MYO3A: variants seen among roughly 807,000 people sequenced by gnomAD.
MYO3A encodes myosin-IIIa.
A neutral mutation model predicts 192.7 loss-of-function variants in MYO3A; 180 were observed. The ratio of observed to expected loss-of-function variants is 0.93; its 90% confidence interval spans 0.83 to 1.06. The LOEUF (loss-of-function observed/expected upper bound fraction) is 1.06, where lower values mean the gene tolerates loss of function less well. Ranked by LOEUF, MYO3A falls within the 50% of genes least tolerant of loss-of-function variation. MYO3A has a pLI of 0.00. For synonymous variants in MYO3A, 628 were observed against 645.3 expected (o/e 0.97, Z 0.41); for missense variants, 1,896 against 1,905.0 (o/e 1.00, Z 0.09).
intron 10 of MYO3A, among the ~76,000 whole-genome samples, chr10:26,048,818 C>T (rs1209680383): frequency 1.3e-5 from 2 of 152,098 alleles, no homozygotes; most frequent in African/African-American, 4.8e-5. Context: ...GGAGATAATG[C>T]TTTGAGTTGT....
At chr10:26,149,398 C>T (rs918297529) in intron 23 of MYO3A, among the ~76,000 whole-genome samples, 1 of 152,016 alleles carries the variant, frequency 6.6e-6, no homozygotes, top group Non-Finnish European at 1.5e-5. Flanking sequence ...CCACGCCCAA[C>T]TAATTTTTGT....
At chr10:25,946,775 G>A (rs1396821844) in intron 2 of MYO3A, among the ~76,000 whole-genome samples, 1 of 150,456 alleles carries the variant, frequency 6.6e-6, no homozygotes, top group Non-Finnish European at 1.5e-5. Context: ...CTACACGGGA[G>A]GCTGAGGCAG....
At chr10:26,161,013 T>C (rs1232059276) in intron 26 of MYO3A, among the ~76,000 whole-genome samples, 3 of 152,232 alleles carry the variant, frequency 2.0e-5, no homozygotes, top group Non-Finnish European at 2.9e-5. Context: ...GTAATTATTG[T>C]GCTATTACAG....
At chr10:26,203,909 C>A (rs1313482819) in intron 34 of MYO3A, among the ~76,000 whole-genome samples, 1 of 152,140 alleles carries the variant, frequency 6.6e-6, no homozygotes, top group East Asian at 1.9e-4. Context: ...GTTGAGTGAC[C>A]TTGCTCATGA....
chr10:26,142,935 G>C (rs780145737), intron 20 of MYO3A, among the ~76,000 whole-genome samples: 1 of 152,140 alleles, frequency 6.6e-6, no homozygotes, highest in Non-Finnish European at 1.5e-5. Flanking sequence ...TTCTAGTATG[G>C]AGACTAGAGC....
chr10:26,081,830 C>T (rs1194269224), intron 14 of MYO3A, among the ~76,000 whole-genome samples: 1 of 152,188 alleles, frequency 6.6e-6, no homozygotes, highest in Non-Finnish European at 1.5e-5. Context: ...AGACCTTCAC[C>T]TTCTCAGCTT....
In MYO3A at chr10:26,178,307, G is replaced by A. The variant is rs74323409; in HGVS notation, c.4438+1462G>A. 4.6e-3 allele frequency among the ~76,000 whole-genome samples: 700 copies of A among 152,142 alleles called. 7 individuals are homozygous for A. The highest frequency in any genetic ancestry group is 0.015 in the African/African-American group (639 of 41,524). On this transcript the variant is annotated intron_variant, in intron 31 of 34. Transcript: ENST00000642920. ...AGCGTCCTGGGAGGAAGTAGAGGTC[G>A]CCACCAAGATTTTCACTTTTGAACA...
chr10:26,113,136 A>G (rs574707739), intron 17 of MYO3A, among the ~76,000 whole-genome samples: 2 of 152,336 alleles, frequency 1.3e-5, no homozygotes, highest in South Asian at 2.1e-4. Flanking sequence ...AAGCATCACA[A>G]AAAGGATTGA....
At chr10:26,067,650 C>T (rs1320060616) in intron 11 of MYO3A, among the ~76,000 whole-genome samples, 1 of 150,336 alleles carries the variant, frequency 6.7e-6, no homozygotes, top group Non-Finnish European at 1.5e-5. Context: ...CTTGGAACTC[C>T]TTATTCTAAT....
intron 2 of MYO3A, among the ~76,000 whole-genome samples, chr10:25,940,526 T>C (rs1836420269): frequency 6.6e-6 from 1 of 152,182 alleles, no homozygotes. Flanking sequence ...TACAATTATA[T>C]AACATACAGT....
intron 10 of MYO3A, among the ~76,000 whole-genome samples, chr10:26,063,968 AACAGCTGCTGGGGAC>A (rs1459876742): frequency 6.6e-6 from 1 of 152,240 alleles, no homozygotes. Context: ...AGGCACTGTT[AACAGCTGCTGGGGAC>A]ACAGCAGTGA....
chr10:26,137,126 A>T (rs1839900465), intron 20 of MYO3A, among the ~76,000 whole-genome samples: 1 of 152,222 alleles, frequency 6.6e-6, no homozygotes, highest in Non-Finnish European at 1.5e-5. Context: ...GTTGATTCTT[A>T]AAGATTTAGG....
chr10:25,957,233 G>A (rs10828916), intron 4 of MYO3A, among the ~76,000 whole-genome samples: 65,904 of 151,870 alleles, frequency 0.43, 15,365 homozygotes, highest in East Asian at 0.62. Flanking sequence ...GAATCGTGGG[G>A]GCAGGTCTTT....
chr10:25,972,266 C>G (rs1472646379), intron 4 of MYO3A, among the ~76,000 whole-genome samples: 4 of 151,650 alleles, frequency 2.6e-5, no homozygotes, highest in African/African-American at 4.8e-5. Context: ...ATAATTTTCA[C>G]TTTGTTCTTT....
intron 10 of MYO3A, among the ~76,000 whole-genome samples, chr10:26,043,576 G>A (rs1438225842): frequency 6.6e-6 from 1 of 152,140 alleles, no homozygotes; most frequent in Non-Finnish European, 1.5e-5. Context: ...AGGCAGAGGA[G>A]CTTCACCCCA....
chr10:26,174,474 A>C lies in MYO3A; in HGVS notation c.4210A>C (p.Asn1404His), dbSNP rs146048091. 17 of 1,614,088 alleles carry C rather than the reference A, an allele frequency of 1.1e-5. No individual in the cohort carries two copies. The highest frequency in any genetic ancestry group is 2.7e-5 in the African/African-American group (2 of 74,940). ...CTATCCCACAAAACATGAGGAAATC[A>C]ATAACATCAAGAAGAAGGATAACAA... Reference protein sequence around the residue: ...YSYPTKHEEINNIKKKDNKDS... With the variant: ...YSYPTKHEEIHNIKKKDNKDS... Residue 1404 changes from asparagine (N) to histidine (H), a missense_variant, in exon 30 of 35, where the codon AAT becomes CAT. By Grantham distance (68) the Asn-to-His change is moderately conservative. Coordinates refer to ENST00000642920, the MANE Select transcript of MYO3A (RefSeq NM_017433.5).
intron 20 of MYO3A, among the ~76,000 whole-genome samples, chr10:26,128,770 T>G (rs1449392418): frequency 6.6e-6 from 1 of 152,222 alleles, no homozygotes; most frequent in Non-Finnish European, 1.5e-5. Context: ...ATCGGTACAC[T>G]CTTCTCCAAA....
At chr10:26,183,981 A>G (rs1589097539) in intron 31 of MYO3A, among the ~76,000 whole-genome samples, 3 of 152,120 alleles carry the variant, frequency 2.0e-5, no homozygotes, top group South Asian at 4.1e-4. Flanking sequence ...AGCTACTCGG[A>G]AGGCTGAGGT....
intron 6 of MYO3A, among the ~76,000 whole-genome samples, chr10:26,012,330 A>G (rs964632246): frequency 6.6e-6 from 1 of 152,188 alleles, no homozygotes; most frequent in Non-Finnish European, 1.5e-5. Flanking sequence ...ATGATTGTAT[A>G]CCTAGAAAAT....
Sources: allele counts gnomAD v4.1 joint callset (sites outside exome capture counted in the v4.1 genomes callset), GRCh38; gene constraint gnomAD v4.1.1; transcripts MANE v1.5; gene names NCBI Gene and HGNC (gene_info 2026-07-23, HGNC 2026-07-21).